PDE4A: variants seen among roughly 807,000 people sequenced by gnomAD.
PDE4A encodes the protein phosphodiesterase 4A.
A neutral mutation model predicts 73.9 loss-of-function variants in PDE4A; 21 were observed. The observed-to-expected ratio is 0.28, with a 90% CI of 0.20 to 0.41. PDE4A has a LOEUF of 0.41. Ranked by LOEUF, PDE4A falls within the 10% of genes least tolerant of loss-of-function variation. PDE4A has a pLI of 1.00. For missense variants in PDE4A, 958 were observed against 1,211.4 expected (o/e 0.79, Z 3.10); for synonymous variants, 463 against 505.4 (o/e 0.92, Z 1.13).
intron 1 of PDE4A, among the ~76,000 whole-genome samples, chr19:10,442,069 T>C (rs2042945923): frequency 6.6e-6 from 1 of 152,068 alleles, no homozygotes; most frequent in African/African-American, 2.4e-5. Context: ...CTTTCCCCAT[T>C]GAGTAGTCTC....
chr19:10,461,723 G>C (rs567248006), intron 12 of PDE4A, 43 bp downstream of exon 12: 1 of 1,607,464 alleles, frequency 6.2e-7, no homozygotes, highest in South Asian at 1.1e-5. Flanking sequence ...AGGAAGCCTA[G>C]GAGTCGAGGG....
intron 14 of PDE4A, among the ~76,000 whole-genome samples, chr19:10,464,827 C>T (rs1425092556): frequency 1.3e-5 from 2 of 151,996 alleles, no homozygotes; most frequent in Non-Finnish European, 2.9e-5. Context: ...AAATGATCCT[C>T]CACCCCCGCC....
At chr19:10,466,461 A>AG (rs2043373476) in intron 14 of PDE4A, among the ~76,000 whole-genome samples, 1 of 147,548 alleles carries the variant, frequency 6.8e-6, no homozygotes, top group African/African-American at 2.5e-5. Context: ...AAAAAAAAAA[A>AG]AGTGTGTGTG....
chr19:10,466,467 G>A (rs2043373870), intron 14 of PDE4A, among the ~76,000 whole-genome samples: 2 of 138,998 alleles, frequency 1.4e-5, no homozygotes, highest in Non-Finnish European at 3.1e-5. Context: ...AAAAAAGTGT[G>A]TGTGTGTGTA....
At chr19:10,432,814 C>T (rs1199997340) in intron 1 of PDE4A, among the ~76,000 whole-genome samples, 3 of 152,154 alleles carry the variant, frequency 2.0e-5, no homozygotes, top group Admixed American at 1.3e-4. Context: ...GACCCGTCAC[C>T]CTCTTTGTGT....
Position 10,459,649 on chromosome 19 carries a change from A to C in PDE4A, c.1255A>C (p.Met419Leu), listed in dbSNP as rs762728861. ...RIPVDTMVTY[M>L]LTLEDHYHAD... ...CCCTGTGGACACGATGGTGACATAC[A>C]TGCTGACGCTGGAGGATCACTACCA... is the stretch of plus-strand genomic sequence containing the variant. The change falls in exon 10 of 15, where the codon ATG becomes CTG. Residue 419 changes from methionine (M) to leucine (L), a missense_variant. Physicochemically the swap from Met to Leu is conservative, Grantham distance 15. Coordinates refer to ENST00000380702, the MANE Select transcript of PDE4A (RefSeq NM_001111307.2). 1.9e-6 allele frequency: 3 copies of C among 1,614,104 alleles called. No homozygotes were observed. The African/African-American group carries it at 4.0e-5, about 22-fold the overall frequency.
intron 5 of PDE4A, 43 bp from the exon 6 acceptor site, chr19:10,450,786 C>A: frequency 6.3e-7 from 1 of 1,582,200 alleles, no homozygotes; most frequent in South Asian, 1.2e-5. Flanking sequence ...GGGCTTCTGC[C>A]TACAGACCTT....
intron 1 of PDE4A, among the ~76,000 whole-genome samples, chr19:10,431,332 G>T (rs1411884197): frequency 1.3e-5 from 2 of 152,226 alleles, no homozygotes; most frequent in Admixed American, 1.3e-4. Context: ...TCACGCTTTG[G>T]AGGAGTGAGG....
chr19:10,438,597 A>G (rs907461785), intron 1 of PDE4A, among the ~76,000 whole-genome samples: 1 of 151,816 alleles, frequency 6.6e-6, no homozygotes, highest in African/African-American at 2.4e-5. Flanking sequence ...ACTGAGCATA[A>G]TGTTTTTTTG....
At chr19:10,428,382 GAGAGA>G in intron 1 of PDE4A, among the ~76,000 whole-genome samples, 1 of 151,028 alleles carries the variant, frequency 6.6e-6, no homozygotes, top group African/African-American at 2.4e-5. Flanking sequence ...GAGAGAGAGA[GAGAGA>G]GAGAGATATT....
chr19:10,443,891 C>T (rs1339903401), intron 1 of PDE4A, among the ~76,000 whole-genome samples: 1 of 151,100 alleles, frequency 6.6e-6, no homozygotes, highest in Admixed American at 6.6e-5. Flanking sequence ...CCTGTAATCC[C>T]AGCTACTCGG....
chr19:10,426,825 G>A (rs1438605908), intron 1 of PDE4A, among the ~76,000 whole-genome samples: 2 of 150,642 alleles, frequency 1.3e-5, no homozygotes, highest in African/African-American at 4.9e-5. Context: ...CCGAGATTGC[G>A]CCACTTCACT....
Position 10,453,616 on chromosome 19 carries a change from G to A in PDE4A, c.784-1213G>A, listed in dbSNP as rs1045465279. ...CCTGAGTATAGGCTTGTTTGCCTGG[G>A]TCACTGTGTGGCCCTGTCTGAGATC... On this transcript the variant is annotated intron_variant, in intron 6 of 14. Transcript: ENST00000380702. The surrounding 1 kb of genome is among the most constrained non-coding windows in gnomAD (Gnocchi z 4.6). Among the ~76,000 whole-genome samples the A allele has an allele frequency of 6.6e-6, 1 of 152,048 alleles. No homozygotes were observed. The highest frequency in any genetic ancestry group is 1.5e-5 in the Non-Finnish European group (1 of 67,988).
intron 12 of PDE4A, 76 bp from the exon 13 acceptor site, chr19:10,461,790 CGGCTTCTACCT>C: frequency 6.3e-7 from 1 of 1,577,628 alleles, no homozygotes; most frequent in Non-Finnish European, 8.6e-7. Context: ...ACAGAGCGGG[CGGCTTCTACCT>C]GGTGAAAACT....
Position 10,465,683 on chromosome 19 carries a change from C to CTTTTTTTTTTTTTTTTTTTT in PDE4A, c.1927-1189_1927-1170dup, listed in dbSNP as rs749126870. Among the ~76,000 whole-genome samples, 6 of 48,380 alleles carry CTTTTTTTTTTTTTTTTTTTT rather than the reference C, an allele frequency of 1.2e-4. 1 individual carries two copies. Among genetic ancestry groups the CTTTTTTTTTTTTTTTTTTTT allele is most frequent in the Admixed American group, 3.5e-4 (1 of 2,830 alleles). The allele number at this position is 48,380 out of a possible 152,430, so 31.7% of individuals were successfully genotyped here. A position where few individuals can be genotyped will look rare whatever the true frequency, so the allele number is the denominator to read the frequency against. Reference sequence around the variant, plus strand: ...TCATAGCAATAGTTTGTGGCTTTAGCTTTTTTTTTTTTTTTTTTTTTTTTT... The same window carrying CTTTTTTTTTTTTTTTTTTTT: ...TCATAGCAATAGTTTGTGGCTTTAGCTTTTTTTTTTTTTTTTTTTTTTTTTTTTTTTTTTTTTTTTTTTTT... On this transcript the variant is annotated intron_variant, in intron 14 of 14. Coordinates refer to ENST00000380702, the MANE Select transcript of PDE4A (RefSeq NM_001111307.2).
chr19:10,463,812 A>G lies in PDE4A; in HGVS notation c.1763A>G (p.His588Arg), dbSNP rs1177768792. Reference sequence around the variant, plus strand: ...ATGCAGGTCCTCCGGAACATGGTGCACTGTGCCGACCTCAGCAACCCCACC... The same window carrying G: ...ATGCAGGTCCTCCGGAACATGGTGCGCTGTGCCGACCTCAGCAACCCCACC... ...DRIQVLRNMV[H>R]CADLSNPTKP... The change falls in exon 14 of 15, where the codon CAC becomes CGC. Residue 588 changes from histidine to arginine, a missense_variant. Coordinates refer to ENST00000380702, the MANE Select transcript of PDE4A (RefSeq NM_001111307.2). 6.2e-7 allele frequency: 1 copy of G among 1,614,104 alleles called. No homozygotes were observed. Among genetic ancestry groups the G allele is most frequent in the Non-Finnish European group, 8.5e-7 (1 of 1,180,006 alleles).
chr19:10,429,395 T>A (rs2042759723), intron 1 of PDE4A, among the ~76,000 whole-genome samples: 1 of 152,140 alleles, frequency 6.6e-6, no homozygotes, highest in Admixed American at 6.5e-5. Flanking sequence ...GATGGTTTAG[T>A]GGCACCTTCA....
intron 1 of PDE4A, among the ~76,000 whole-genome samples, chr19:10,438,023 G>A (rs1281984036): frequency 1.3e-5 from 2 of 151,776 alleles, no homozygotes; most frequent in Non-Finnish European, 2.9e-5. Context: ...TTCCCAGGCT[G>A]GTGTTGAACT....
At chr19:10,450,978 G>A in intron 6 of PDE4A, 37 bp downstream of exon 6, 1 of 1,544,566 alleles carries the variant, frequency 6.5e-7, no homozygotes, top group Non-Finnish European at 8.8e-7. Flanking sequence ...GGGCGGGGCA[G>A]GCGGGGGCGG....
Sources: allele counts gnomAD v4.1 joint callset (sites outside exome capture counted in the v4.1 genomes callset), GRCh38; gene constraint gnomAD v4.1.1; non-coding constraint Gnocchi (gnomAD v3.1); transcripts MANE v1.5; gene names NCBI Gene and HGNC (gene_info 2026-07-23, HGNC 2026-07-21).